The following CSMD1 variants were observed in gnomAD, a reference collection of about 807,000 sequenced individuals.
CSMD1 encodes the protein CUB and sushi domain-containing protein 1.
In CSMD1, 213 loss-of-function variants were observed where a neutral mutation model predicts 417.5. The observed-to-expected ratio is 0.51, with a 90% CI of 0.46 to 0.57. CSMD1 has a LOEUF of 0.57. CSMD1 is among the 20% of genes least tolerant of loss of function. The pLI is 0.00. For missense variants in CSMD1, 6,923 were observed against 4,529.7 expected (o/e 1.53, Z -15.17); for synonymous variants, 2,862 against 1,736.8 (o/e 1.65, Z -16.11).
At position 4,680,838 on chromosome 8, in the gene CSMD1, C is replaced by T. The variant is rs1047412983; in HGVS notation, c.86-43280G>A. Reference sequence around the variant, plus strand: ...CAGGTGATCCACCCGCCTTGGCCTCCCAAAGTGTTGGGATTATAAGTGTGA... The same window carrying T: ...CAGGTGATCCACCCGCCTTGGCCTCTCAAAGTGTTGGGATTATAAGTGTGA... On this transcript the variant is annotated intron_variant, in intron 1 of 69. Transcript: ENST00000635120. Among the ~76,000 whole-genome samples the T allele has an allele frequency of 7.9e-5, 12 of 151,974 alleles. No individual in the cohort carries two copies. In the East Asian group the frequency reaches 2.3e-3, roughly 30 times the overall value.
chr8:4,076,828 C>T (rs911943436), intron 3 of CSMD1, among the ~76,000 whole-genome samples: 1 of 152,142 alleles, frequency 6.6e-6, no homozygotes, highest in Non-Finnish European at 1.5e-5. Context: ...CATGCCTTTG[C>T]TTTAACTGCT....
intron 3 of CSMD1, among the ~76,000 whole-genome samples, chr8:4,191,404 C>CG (rs1563249317): frequency 6.7e-6 from 1 of 149,158 alleles, no homozygotes; most frequent in African/African-American, 2.6e-5. Context: ...TCAGAAAAAA[C>CG]AAAAAACAAA....
At chr8:3,361,162 A>C (rs1809138311) in intron 20 of CSMD1, among the ~76,000 whole-genome samples, 1 of 152,214 alleles carries the variant, frequency 6.6e-6, no homozygotes, top group Non-Finnish European at 1.5e-5. Context: ...AATTGAACTC[A>C]ACAAACATTA....
intron 1 of CSMD1, among the ~76,000 whole-genome samples, chr8:4,986,664 C>A (rs1811194747): frequency 6.6e-6 from 1 of 151,874 alleles, no homozygotes; most frequent in Non-Finnish European, 1.5e-5. Flanking sequence ...TGAAGTCTCC[C>A]CATAATATAA....
intron 7 of CSMD1, among the ~76,000 whole-genome samples, chr8:3,690,246 C>G (rs539632299): frequency 4.2e-4 from 64 of 152,260 alleles, no homozygotes; most frequent in Middle Eastern, 3.4e-3. Context: ...GTAATCCCAG[C>G]TACTTGGGAG....
At chr8:3,324,305 G>C (rs934062301) in intron 23 of CSMD1, among the ~76,000 whole-genome samples, 2 of 151,182 alleles carry the variant, frequency 1.3e-5, no homozygotes, top group Non-Finnish European at 3.0e-5. Flanking sequence ...AGACCCAGGA[G>C]GGGGAGTTTC....
chr8:4,696,778 G>C (rs1055537793), intron 1 of CSMD1, among the ~76,000 whole-genome samples: 1 of 152,192 alleles, frequency 6.6e-6, no homozygotes, highest in South Asian at 2.1e-4. Flanking sequence ...CTGAAGGACT[G>C]CATCAGTGAA....
At chr8:3,877,153 C>T (rs1805878680) in intron 5 of CSMD1, among the ~76,000 whole-genome samples, 1 of 152,202 alleles carries the variant, frequency 6.6e-6, no homozygotes, top group Non-Finnish European at 1.5e-5. Flanking sequence ...CCCATCCCTT[C>T]CTCTACCTTT....
intron 40 of CSMD1, among the ~76,000 whole-genome samples, chr8:3,148,812 A>G (rs1008097232): frequency 1.3e-5 from 2 of 152,114 alleles, no homozygotes; most frequent in Admixed American, 1.3e-4. Flanking sequence ...TCTCCTCCCA[A>G]TTTCTCACTT....
At chr8:4,125,095 C>T (rs962624992) in intron 3 of CSMD1, among the ~76,000 whole-genome samples, 6 of 144,150 alleles carry the variant, frequency 4.2e-5, no homozygotes, top group Middle Eastern at 3.5e-3. Context: ...TTCCTTGAAG[C>T]CGGTGAGACC....
chr8:3,187,256 T>C (rs780937406), intron 36 of CSMD1, among the ~76,000 whole-genome samples: 2 of 152,178 alleles, frequency 1.3e-5, no homozygotes, highest in Non-Finnish European at 2.9e-5. Context: ...GTCATGCATC[T>C]GGAGGCAGGA....
intron 54 of CSMD1, among the ~76,000 whole-genome samples, chr8:2,995,773 T>C (rs1806839891): frequency 6.6e-6 from 1 of 152,174 alleles, no homozygotes; most frequent in Non-Finnish European, 1.5e-5. Context: ...CGGAAAATTA[T>C]GTTGAATAAA....
At chr8:3,983,762 G>T in intron 5 of CSMD1, among the ~76,000 whole-genome samples, 1 of 152,268 alleles carries the variant, frequency 6.6e-6, no homozygotes, top group East Asian at 1.9e-4. Context: ...TGATGGGGCT[G>T]TCAACTGCAC....
At chr8:3,954,134 G>A (rs896877423) in intron 5 of CSMD1, among the ~76,000 whole-genome samples, 2 of 152,170 alleles carry the variant, frequency 1.3e-5, no homozygotes, top group African/African-American at 4.8e-5. Flanking sequence ...AGTTTCCCGA[G>A]GGGAATCACA....
At chr8:4,015,767 T>C (rs1463574731) in intron 4 of CSMD1, among the ~76,000 whole-genome samples, 1 of 151,906 alleles carries the variant, frequency 6.6e-6, no homozygotes, top group Non-Finnish European at 1.5e-5. Context: ...GGTGAATACT[T>C]ATCTTAAATG....
At position 4,666,221 on chromosome 8, in the gene CSMD1, A is replaced by C. The variant is rs371613921; in HGVS notation, c.86-28663T>G. On this transcript the variant is annotated intron_variant, in intron 1 of 69. Coordinates refer to ENST00000635120, the MANE Select transcript of CSMD1 (RefSeq NM_033225.6). Reference sequence around the variant, plus strand: ...ACTTCCTGGAAACTGTGAATATATTATTTAATGTGGTGGAGGGGAATCAAG... The same window carrying C: ...ACTTCCTGGAAACTGTGAATATATTCTTTAATGTGGTGGAGGGGAATCAAG... Among the ~76,000 whole-genome samples the C allele has an allele frequency of 3.3e-5, 5 of 152,304 alleles. No individual in the cohort carries two copies. The East Asian group carries it at 5.8e-4, about 18-fold the overall frequency.
intron 1 of CSMD1, among the ~76,000 whole-genome samples, chr8:4,899,994 A>T (rs147174895): frequency 9.9e-5 from 15 of 152,200 alleles, no homozygotes; most frequent in African/African-American, 3.6e-4. Context: ...TCTAAGTAGG[A>T]TGTCTGTTGC....
chr8:4,790,967 T>C (rs1797652762), intron 1 of CSMD1, among the ~76,000 whole-genome samples: 1 of 151,980 alleles, frequency 6.6e-6, no homozygotes, highest in African/African-American at 2.4e-5. Flanking sequence ...AAGACAAAAG[T>C]AAAAATTGAC....
chr8:3,650,034 T>G (rs1270223423), intron 7 of CSMD1, among the ~76,000 whole-genome samples: 2 of 152,162 alleles, frequency 1.3e-5, no homozygotes, highest in Non-Finnish European at 2.9e-5. Flanking sequence ...ATCCCAGCAC[T>G]TTGGGAAGCC....
Sources: gnomAD v4.1 joint callset for allele counts (sites outside exome capture counted in the v4.1 genomes callset) on GRCh38, gnomAD v4.1.1 for gene constraint, MANE v1.5 for transcripts, NCBI Gene and HGNC (gene_info 2026-07-23, HGNC 2026-07-21) for gene names.